SGCD: variants seen among roughly 807,000 people sequenced by gnomAD.
The protein encoded by SGCD is sarcoglycan delta, also known as delta-sarcoglycan.
A neutral mutation model predicts 36.6 loss-of-function variants in SGCD; 18 were observed. That is an observed-to-expected ratio of 0.49 (90% CI 0.34 to 0.73). The LOEUF (loss-of-function observed/expected upper bound fraction) is 0.73, where lower values mean the gene tolerates loss of function less well. Among genes scored for constraint, SGCD ranks in the 30% least tolerant of loss-of-function variants. SGCD has a pLI of 0.01. For synonymous variants in SGCD, 133 were observed against 130.6 expected (o/e 1.02, Z -0.12); for missense variants, 387 against 346.7 (o/e 1.12, Z -0.92).
In SGCD at chr5:156,758,393, T is replaced by G. The variant is rs564472034; in HGVS notation, c.699+689T>G. Among the ~76,000 whole-genome samples the G allele has an allele frequency of 2.3e-3, 354 of 152,040 alleles. 2 individuals are homozygous for G. The highest frequency in any genetic ancestry group is 8.3e-3 in the African/African-American group (344 of 41,430). The stretch of plus-strand genomic sequence containing the variant: ...ATAGAGTTAAAAAATCTGTGTGTTT[T>G]TTTTTTTTTAAGAAAAATGCTATTC... On this transcript the variant is annotated intron_variant, in intron 8 of 8. Transcript: ENST00000337851.
chr5:155,962,460 T>A (rs1757811057), intron 1 of SGCD, among the ~76,000 whole-genome samples: 1 of 152,130 alleles, frequency 6.6e-6, no homozygotes, highest in Admixed American at 6.6e-5. Flanking sequence ...CTCGATTGGA[T>A]ACTGTCCAGT....
At chr5:156,597,029 G>GGGTGCAGAGATGATAAAGCCA (rs1760954137) in intron 6 of SGCD, among the ~76,000 whole-genome samples, 1 of 152,126 alleles carries the variant, frequency 6.6e-6, no homozygotes, top group Admixed American at 6.5e-5. Context: ...CAAAAATGCA[G>GGGTGCAGAGATGATAAAGCCA]GGTGCAGAGA....
intron 1 of SGCD, among the ~76,000 whole-genome samples, chr5:155,899,326 C>T (rs1285715087): frequency 1.3e-5 from 2 of 152,152 alleles, no homozygotes; most frequent in African/African-American, 4.8e-5. Flanking sequence ...AATGAGAATG[C>T]ATGTAAATAA....
intron 3 of SGCD, among the ~76,000 whole-genome samples, chr5:156,406,817 T>TATAA (rs1554100575): frequency 8.8e-6 from 1 of 113,806 alleles, no homozygotes; most frequent in Non-Finnish European, 1.7e-5. Flanking sequence ...TATATATATA[T>TATAA]ATACACACAC....
At chr5:156,206,298 T>C (rs575915857) in intron 3 of SGCD, among the ~76,000 whole-genome samples, 1 of 152,084 alleles carries the variant, frequency 6.6e-6, no homozygotes, top group East Asian at 1.9e-4. Flanking sequence ...CCAATATTTT[T>C]TGGTCACAAT....
chr5:156,232,255 T>C (rs1413656546), intron 3 of SGCD, among the ~76,000 whole-genome samples: 1 of 152,234 alleles, frequency 6.6e-6, no homozygotes, highest in Non-Finnish European at 1.5e-5. Context: ...CATAGTGACA[T>C]GGGTTAGAAC....
chr5:155,816,070 G>A, the SGCD span, among the ~76,000 whole-genome samples: 1 of 152,312 alleles, frequency 6.6e-6, no homozygotes, highest in South Asian at 2.1e-4. Context: ...GTGGTGGGGA[G>A]AGAAGATTTG....
At chr5:156,264,635 A>T (rs539899496) in intron 3 of SGCD, among the ~76,000 whole-genome samples, 1 of 152,102 alleles carries the variant, frequency 6.6e-6, no homozygotes, top group Admixed American at 6.6e-5. Context: ...CTTCAGATTT[A>T]AATTAGATAA....
intron 3 of SGCD, among the ~76,000 whole-genome samples, chr5:156,350,247 T>TTA (rs59107352): frequency 0.043 from 4,123 of 95,788 alleles, 491 homozygotes; most frequent in African/African-American, 0.13. Context: ...GGAAAAAAAA[T>TTA]TATATATATA....
intron 3 of SGCD, among the ~76,000 whole-genome samples, chr5:156,315,038 GT>G (rs1169797062): frequency 1.3e-5 from 2 of 151,942 alleles, no homozygotes; most frequent in Non-Finnish European, 2.9e-5. Flanking sequence ...ACCTCACATA[GT>G]TACCATTTTT....
At chr5:156,549,965 T>G (rs1056967222) in intron 4 of SGCD, among the ~76,000 whole-genome samples, 2 of 152,228 alleles carry the variant, frequency 1.3e-5, no homozygotes, top group Admixed American at 6.5e-5. Flanking sequence ...CTATTATGTA[T>G]GGCTTTGCAT....
intron 3 of SGCD, among the ~76,000 whole-genome samples, chr5:156,395,244 A>G (rs1285919685): frequency 6.6e-6 from 1 of 152,228 alleles, no homozygotes; most frequent in African/African-American, 2.4e-5. Flanking sequence ...CCTTGCTTGC[A>G]GGCTGTGCCA....
intron 1 of SGCD, among the ~76,000 whole-genome samples, chr5:155,936,811 C>A (rs960220737): frequency 3.3e-5 from 5 of 152,210 alleles, no homozygotes; most frequent in Non-Finnish European, 7.3e-5. Context: ...TGCCCAGGGG[C>A]ACCTGCAGGC....
At chr5:156,036,245 T>C (rs1371308599) in intron 1 of SGCD, among the ~76,000 whole-genome samples, 1 of 152,162 alleles carries the variant, frequency 6.6e-6, no homozygotes, top group Non-Finnish European at 1.5e-5. Context: ...GTACAGCAGG[T>C]GCCAAGCAAG....
At chr5:155,886,231 A>C (rs1755994798) in intron 1 of SGCD, among the ~76,000 whole-genome samples, 1 of 152,242 alleles carries the variant, frequency 6.6e-6, no homozygotes, top group African/African-American at 2.4e-5. Flanking sequence ...ATGTAAAAGC[A>C]GTACGTGCAG....
At chr5:155,734,640 T>C in the SGCD span, among the ~76,000 whole-genome samples, 1 of 152,224 alleles carries the variant, frequency 6.6e-6, no homozygotes, top group Non-Finnish European at 1.5e-5. Context: ...TGAAACACAT[T>C]CTGGTTTGTA....
rs566062248 is a variant in SGCD at position 156,123,889 on chromosome 5, A to G, written c.-174A>G. ...GAAACCTCCATCCTCAGGGATTTGA[A>G]GAAGGTTATACTGGAACCTGTGTGA... On this transcript the variant is annotated 5_prime_UTR_variant, in exon 3 of 10. Coordinates refer to the SGCD transcript ENST00000517913. 2.0e-5 allele frequency: 3 copies of G among 152,256 alleles called. No individual in the cohort carries two copies. In the East Asian group the frequency reaches 5.8e-4, roughly 29 times the overall value. The allele number at this position is 152,256 out of a possible 1,614,324, so 9.4% of individuals were successfully genotyped here.
intron 1 of SGCD, among the ~76,000 whole-genome samples, chr5:156,081,971 TA>T (rs1476740677): frequency 6.6e-6 from 1 of 152,068 alleles, no homozygotes; most frequent in Non-Finnish European, 1.5e-5. Context: ...TAAATGATTT[TA>T]GGGGTATTTA....
At chr5:156,073,683 C>A (rs1384663899) in intron 1 of SGCD, among the ~76,000 whole-genome samples, 1 of 152,172 alleles carries the variant, frequency 6.6e-6, no homozygotes, top group Admixed American at 6.5e-5. Flanking sequence ...GTGAGAAATT[C>A]AAGAGACTAA....
Sources: allele counts gnomAD v4.1 joint callset (sites outside exome capture counted in the v4.1 genomes callset), GRCh38; gene constraint gnomAD v4.1.1; transcripts MANE v1.5; gene names NCBI Gene and HGNC (gene_info 2026-07-23, HGNC 2026-07-21).